TAX1BP1: variants seen among roughly 807,000 people sequenced by gnomAD.
The protein encoded by TAX1BP1 is Tax1 binding protein 1, also known as tax1-binding protein 1.
Under a neutral mutation model 97.7 loss-of-function variants are expected in TAX1BP1, and 62 were observed. The ratio of observed to expected loss-of-function variants is 0.63; its 90% CI spans 0.52 to 0.78. The LOEUF is 0.78. Among genes scored for constraint, TAX1BP1 ranks in the 30% least tolerant of loss-of-function variants. The pLI is 0.00. For missense variants in TAX1BP1, 867 were observed against 916.1 expected, an observed-to-expected ratio of 0.95 and a Z score of 0.69; for synonymous variants, 340 against 304.2, an observed-to-expected ratio of 1.12 and a Z score of -1.23.
chr7:27,808,118 T>C (rs571037964), intron 13 of TAX1BP1, among the ~76,000 whole-genome samples: 2 of 152,298 alleles, frequency 1.3e-5, no homozygotes, highest in East Asian at 3.9e-4. Flanking sequence ...CTGGTGTATG[T>C]AGTTTAGAAA....
At chr7:27,782,201 C>A (rs1038087434) in intron 5 of TAX1BP1, among the ~76,000 whole-genome samples, 2 of 151,680 alleles carry the variant, frequency 1.3e-5, no homozygotes, top group Non-Finnish European at 2.9e-5. Flanking sequence ...TAAGATTTTT[C>A]CATTTTAAAA....
At position 27,799,940 on chromosome 7, in the gene TAX1BP1, T is replaced by C. The variant is rs774624589; in HGVS notation, c.1639-25T>C. 15 of 1,561,356 alleles carry C rather than the reference T, an allele frequency of 9.6e-6. No homozygotes were observed. In the Admixed American group the frequency reaches 1.5e-4, roughly 16 times the overall value. On this transcript the variant is annotated intron_variant, in intron 12 of 16. Transcript: ENST00000396319. Reference sequence around the variant, plus strand: ...CACTCTACATGAATTTAAAATCTTTTGGTAATTATACTAATTTCATTTAGG... The same window carrying C: ...CACTCTACATGAATTTAAAATCTTTCGGTAATTATACTAATTTCATTTAGG...
intron 15 of TAX1BP1, among the ~76,000 whole-genome samples, chr7:27,819,322 C>T (rs1267908788): frequency 6.6e-6 from 1 of 151,882 alleles, no homozygotes; most frequent in African/African-American, 2.4e-5. Flanking sequence ...TTATTTCATT[C>T]CTAAATAAGT....
At chr7:27,815,203 A>G (rs138201790) in intron 13 of TAX1BP1, among the ~76,000 whole-genome samples, 12 of 152,214 alleles carry the variant, frequency 7.9e-5, no homozygotes, top group African/African-American at 2.2e-4. Flanking sequence ...TCTTATTATT[A>G]TTGATCTCAT....
At position 27,765,006 on chromosome 7, in the gene TAX1BP1, TC is replaced by T. The variant is rs1224803196; in HGVS notation, c.266-827del. Among the ~76,000 whole-genome samples the T allele has an allele frequency of 4.4e-5, 6 of 136,860 alleles. No homozygotes were observed. The East Asian group carries it at 1.4e-3, about 32-fold the overall frequency. The allele number at this position is 136,860 out of a possible 152,430, so 89.8% of individuals were successfully genotyped here. ...TCTTATAGATTGTCTGCCTCTCCTC[TC>T]TGTTTTTTTTTTTTTTTTTTTTTTT... On this transcript the variant is annotated intron_variant, in intron 3 of 16. Transcript: ENST00000396319.
At chr7:27,779,845 G>A (rs940370896) in intron 5 of TAX1BP1, among the ~76,000 whole-genome samples, 1 of 152,086 alleles carries the variant, frequency 6.6e-6, no homozygotes, top group Non-Finnish European at 1.5e-5. Flanking sequence ...TTATGTCTTC[G>A]TGATAGAAAC....
chr7:27,783,011 T>C (rs902532956), intron 5 of TAX1BP1, among the ~76,000 whole-genome samples: 1 of 152,196 alleles, frequency 6.6e-6, no homozygotes, highest in African/African-American at 2.4e-5. Flanking sequence ...GAGTTATGAC[T>C]TGTGGGAATT....
intron 16 of TAX1BP1, 86 bp downstream of exon 16, chr7:27,827,906 A>C: frequency 8.3e-7 from 1 of 1,204,134 alleles, no homozygotes; most frequent in Admixed American, 1.8e-5. Context: ...TTAGAAATGC[A>C]CATGTGTAGG....
intron 13 of TAX1BP1, among the ~76,000 whole-genome samples, chr7:27,808,868 T>C (rs894737081): frequency 1.3e-5 from 2 of 152,220 alleles, no homozygotes; most frequent in Non-Finnish European, 2.9e-5. Flanking sequence ...TTAAGATAGC[T>C]ACACTTATGT....
chr7:27,783,283 TTTAAAG>T (rs1789334944), intron 5 of TAX1BP1, among the ~76,000 whole-genome samples: 1 of 152,202 alleles, frequency 6.6e-6, no homozygotes, highest in South Asian at 2.1e-4. Context: ...GATTTTATCT[TTTAAAG>T]TTAATTTTTG....
intron 12 of TAX1BP1, among the ~76,000 whole-genome samples, chr7:27,797,004 A>T (rs529528055): frequency 7.6e-4 from 113 of 147,984 alleles, no homozygotes; most frequent in African/African-American, 1.4e-3. Flanking sequence ...ATTTTATTTT[A>T]TTTTTTTTTT....
chr7:27,793,226 A>C lies in TAX1BP1; in HGVS notation c.1410+14A>C. On this transcript the variant is annotated intron_variant, in intron 10 of 16. Coordinates refer to ENST00000396319, the MANE Select transcript of TAX1BP1 (RefSeq NM_006024.7). The stretch of plus-strand genomic sequence containing the variant: ...TCAGATCAATCAGTAAGTATCATTA[A>C]ATTTACACATAGTAAAATGTGTTGT... 3.9e-6 allele frequency: 6 copies of C among 1,554,630 alleles called. No homozygotes were observed. Among genetic ancestry groups the C allele is most frequent in the Non-Finnish European group, 5.2e-6 (6 of 1,161,438 alleles).
chr7:27,745,490 T>C (rs542575984), intron 1 of TAX1BP1, among the ~76,000 whole-genome samples: 1 of 152,332 alleles, frequency 6.6e-6, no homozygotes, highest in East Asian at 1.9e-4. Context: ...TTTAAATGAT[T>C]AGTAGCTATA....
chr7:27,800,997 G>A (rs1426271887), intron 13 of TAX1BP1, among the ~76,000 whole-genome samples: 13 of 151,678 alleles, frequency 8.6e-5, no homozygotes, highest in African/African-American at 2.9e-4. Flanking sequence ...CCAGTTACTC[G>A]GGAGGCTGAG....
At chr7:27,824,572 A>AAT (rs1554325255) in intron 15 of TAX1BP1, among the ~76,000 whole-genome samples, 14 of 151,444 alleles carry the variant, frequency 9.2e-5, no homozygotes, top group African/African-American at 3.4e-4. Flanking sequence ...AAAAAAAAAA[A>AAT]ATTACTGTTC....
intron 13 of TAX1BP1, among the ~76,000 whole-genome samples, chr7:27,812,680 A>G (rs1790602403): frequency 6.6e-6 from 1 of 152,112 alleles, no homozygotes; most frequent in South Asian, 2.1e-4. Flanking sequence ...GTCAAAGTTT[A>G]TTTTGTATAT....
At chr7:27,804,756 A>G (rs781763366) in intron 13 of TAX1BP1, among the ~76,000 whole-genome samples, 1 of 152,238 alleles carries the variant, frequency 6.6e-6, no homozygotes, top group Non-Finnish European at 1.5e-5. Context: ...GGAACATTTC[A>G]GATTTTGGAT....
chr7:27,810,326 C>A (rs1790509721), intron 13 of TAX1BP1, among the ~76,000 whole-genome samples: 1 of 151,870 alleles, frequency 6.6e-6, no homozygotes. Flanking sequence ...TCAGTCATGG[C>A]AAGAGATGAA....
In TAX1BP1 at chr7:27,829,722, T is replaced by C. The variant is rs751519547; in HGVS notation, c.*893T>C. 1 of 152,224 alleles carries C rather than the reference T, an allele frequency of 6.6e-6. No homozygotes were observed. The highest frequency in any genetic ancestry group is 2.4e-5 in the African/African-American group (1 of 41,466). 9.4% of individuals were successfully genotyped at this position (152,224 alleles called of 1,614,324 possible). On this transcript the variant is annotated 3_prime_UTR_variant, in exon 17 of 17. Transcript: ENST00000396319. Reference sequence around the variant, plus strand: ...CAGTTATGTCTGTGCTGTATAGAACTGTCACTAACATTAAAGAAAGAGGAC... The same window carrying C: ...CAGTTATGTCTGTGCTGTATAGAACCGTCACTAACATTAAAGAAAGAGGAC...
Sources: allele counts gnomAD v4.1 joint callset (sites outside exome capture counted in the v4.1 genomes callset), GRCh38; gene constraint gnomAD v4.1.1; transcripts MANE v1.5; gene names NCBI Gene and HGNC (gene_info 2026-07-23, HGNC 2026-07-21).